Variants in USH2A observed in about 807,000 individuals in gnomAD.
The protein encoded by USH2A is Usher syndrome 2A (autosomal recessive, mild).
In USH2A, 443 loss-of-function variants were observed where a neutral mutation model predicts 538.9. The ratio of observed to expected loss-of-function variants is 0.82; its 90% CI spans 0.76 to 0.89. The LOEUF (loss-of-function observed/expected upper bound fraction) is 0.89. USH2A is among the 40% of genes least tolerant of loss of function. The pLI is 0.00. For missense variants in USH2A, 6,633 were observed against 6,324.8 expected (o/e 1.05, Z -1.65); for synonymous variants, 2,413 against 2,273.5 (o/e 1.06, Z -1.75).
chr1:216,271,438 C>T (rs1300455683), intron 11 of USH2A, among the ~76,000 whole-genome samples: 3 of 152,060 alleles, frequency 2.0e-5, no homozygotes, highest in African/African-American at 4.8e-5. Flanking sequence ...AATTTTTATA[C>T]TCCCACTGTC....
chr1:215,771,000 G>A (rs999466802), intron 55 of USH2A, among the ~76,000 whole-genome samples: 1 of 149,656 alleles, frequency 6.7e-6, no homozygotes, highest in African/African-American at 2.5e-5. Flanking sequence ...GGTGGTGCAT[G>A]CCTGTAGTCC....
intron 3 of USH2A, among the ~76,000 whole-genome samples, chr1:216,410,386 A>G (rs2039467860): frequency 6.6e-6 from 1 of 152,252 alleles, no homozygotes; most frequent in South Asian, 2.1e-4. Context: ...ATTCTATCAT[A>G]AAGACGCATG....
chr1:215,768,841 C>T (rs375145086), intron 55 of USH2A, among the ~76,000 whole-genome samples: 1 of 152,094 alleles, frequency 6.6e-6, no homozygotes, highest in Admixed American at 6.6e-5. Context: ...GAATATAAGC[C>T]CTTTGAGAGT....
chr1:215,735,465 C>T (rs1242154633), intron 60 of USH2A, among the ~76,000 whole-genome samples: 1 of 152,122 alleles, frequency 6.6e-6, no homozygotes, highest in Non-Finnish European at 1.5e-5. Context: ...TGGTGATATT[C>T]ACACAAAGAA....
intron 19 of USH2A, among the ~76,000 whole-genome samples, chr1:216,190,663 G>A (rs1337709164): frequency 6.6e-6 from 1 of 151,962 alleles, no homozygotes; most frequent in Non-Finnish European, 1.5e-5. Flanking sequence ...GTCACCAATG[G>A]TAGAGATAAA....
chr1:215,896,542 G>A (rs1424460079), intron 40 of USH2A, among the ~76,000 whole-genome samples: 4 of 152,074 alleles, frequency 2.6e-5, no homozygotes, highest in Non-Finnish European at 4.4e-5. Context: ...CACAAGGCAG[G>A]ATTTCGGTAG....
At chr1:215,702,894 C>T (rs902391393) in intron 61 of USH2A, among the ~76,000 whole-genome samples, 2 of 151,914 alleles carry the variant, frequency 1.3e-5, no homozygotes, top group African/African-American at 4.8e-5. Flanking sequence ...TAAGGCATTC[C>T]AGTTTTTGGA....
Position 216,422,395 on chromosome 1 carries a change from C to T in USH2A, c.-59G>A, listed in dbSNP as rs539639539. 5.7e-5 allele frequency: 92 copies of T among 1,608,812 alleles called. No individual in the cohort carries two copies. Among genetic ancestry groups the T allele is most frequent in the Admixed American group, 5.7e-4 (34 of 59,760 alleles). ...ATTTCTAAATAAATAATCAGGCCCA[C>T]GCCACTTGCCAGCAATACTTTGAAG... On this transcript the variant is annotated 5_prime_UTR_variant, in exon 2 of 72. It adds an upstream start codon to the 5' untranslated region. Transcript: ENST00000307340.
intron 21 of USH2A, among the ~76,000 whole-genome samples, chr1:216,131,431 T>C (rs1340471730): frequency 6.6e-6 from 1 of 152,124 alleles, no homozygotes; most frequent in Non-Finnish European, 1.5e-5. Flanking sequence ...TCTAGAATTT[T>C]TAGTTCAGAT....
At chr1:216,192,702 A>G (rs942998993) in intron 19 of USH2A, among the ~76,000 whole-genome samples, 6 of 152,070 alleles carry the variant, frequency 3.9e-5, no homozygotes, top group Admixed American at 1.3e-4. Flanking sequence ...ACTCTGTCTC[A>G]AAGAAATAAA....
chr1:215,680,671 A>T (rs1441899316), intron 61 of USH2A, among the ~76,000 whole-genome samples: 1 of 152,140 alleles, frequency 6.6e-6, no homozygotes, highest in Non-Finnish European at 1.5e-5. Flanking sequence ...AACATTAAAA[A>T]AAAAAACAAA....
At position 216,089,083 on chromosome 1, in the gene USH2A, T is replaced by G. The variant is rs1341560744; in HGVS notation, c.4815A>C (p.Gly1605=). The G allele has an allele frequency of 2.5e-6, 4 of 1,613,418 alleles. No individual in the cohort carries two copies. The African/African-American group carries it at 5.3e-5, about 22-fold the overall frequency. The change falls in exon 23 of 72, where the codon GGA becomes GGC. Residue 1605 remains glycine (G), a synonymous_variant. Transcript: ENST00000307340. The part of the protein sequence containing the change: ...TNDHGKQYSD[G]KWHEIIAIRH... ...TAATAGCAATTATTTCATGCCATTT[T>G]CCATCACTATATTGTTTGCCATGAT...
At chr1:215,992,570 T>C (rs1668026647) in intron 35 of USH2A, among the ~76,000 whole-genome samples, 1 of 152,208 alleles carries the variant, frequency 6.6e-6, no homozygotes, top group African/African-American at 2.4e-5. Context: ...TATTAAAAAA[T>C]ACAGAGTTCC....
At chr1:216,362,941 A>G (rs1252512487) in intron 4 of USH2A, among the ~76,000 whole-genome samples, 1 of 149,674 alleles carries the variant, frequency 6.7e-6, no homozygotes, top group African/African-American at 2.5e-5. Context: ...CTCCCTGTCA[A>G]AAAAAAATAA....
chr1:215,976,998 C>A (rs199846329), intron 35 of USH2A, among the ~76,000 whole-genome samples: 6 of 117,002 alleles, frequency 5.1e-5, no homozygotes, highest in African/African-American at 1.3e-4. Flanking sequence ...TTTTTTTTTT[C>A]TTTTTTTTCG....
At position 215,813,582 on chromosome 1, in the gene USH2A, G is replaced by A. The variant is rs943747051; in HGVS notation, c.9739+154C>T. On this transcript the variant is annotated intron_variant, in intron 49 of 71. Transcript: ENST00000307340. ...TTGCTTATATTTTAACAAAGCAGAA[G>A]GAAGAAACAATATTTAGAGCAGGCC... 4.6e-6 allele frequency: 4 copies of A among 876,224 alleles called. No individual in the cohort carries two copies. The African/African-American group carries it at 5.0e-5, about 11-fold the overall frequency. 54.3% of individuals were successfully genotyped at this position (876,224 alleles called of 1,614,324 possible). A position where few individuals can be genotyped will look rare whatever the true frequency, so the allele number is the denominator to read the frequency against.
chr1:215,994,590 A>C (rs371974903), intron 34 of USH2A, among the ~76,000 whole-genome samples: 12 of 152,282 alleles, frequency 7.9e-5, no homozygotes, highest in African/African-American at 2.6e-4. Context: ...GATGGGTTAA[A>C]TTGTGGCCTG....
intron 3 of USH2A, among the ~76,000 whole-genome samples, chr1:216,379,843 G>A (rs557143539): frequency 6.6e-6 from 1 of 152,238 alleles, no homozygotes; most frequent in East Asian, 1.9e-4. Flanking sequence ...ACACCACTTA[G>A]GCCCTAAGCA....
Position 216,422,184 on chromosome 1 carries a change from G to T in USH2A, c.153C>A (p.Ile51=), listed in dbSNP as rs1160617615. The T allele has an allele frequency of 1.2e-6, 2 of 1,612,690 alleles. No homozygotes were observed. Among genetic ancestry groups the T allele is most frequent in the Non-Finnish European group, 1.7e-6 (2 of 1,179,164 alleles). ...ENVGAFKKVS[I]VPTQAVCGLP... ...GTCCACATACTGCTTGGGTTGGCACGATGGAAACTTTCTTGAAAGCTCCCA... is the reference window on the plus strand; with the variant it reads ...GTCCACATACTGCTTGGGTTGGCACTATGGAAACTTTCTTGAAAGCTCCCA... The change falls in exon 2 of 72, where the codon ATC becomes ATA. Residue 51 remains isoleucine (I), a synonymous_variant. Coordinates refer to ENST00000307340, the MANE Select transcript of USH2A (RefSeq NM_206933.4).
Sources: gnomAD v4.1 joint callset for allele counts (sites outside exome capture counted in the v4.1 genomes callset) on GRCh38, gnomAD v4.1.1 for gene constraint, MANE v1.5 for transcripts, NCBI Gene and HGNC (gene_info 2026-07-23, HGNC 2026-07-21) for gene names.